TGFBR3L: variants seen among roughly 807,000 people sequenced by gnomAD.
TGFBR3L encodes the protein transforming growth factor beta receptor 3 like.
A neutral mutation model predicts 20.4 loss-of-function variants in TGFBR3L; 21 were observed. That is an observed-to-expected ratio of 1.03 (90% CI 0.73 to 1.48). TGFBR3L has a LOEUF of 1.48. Among genes scored for constraint, TGFBR3L ranks in the 40% most tolerant of loss-of-function variants. The pLI is 0.00. For missense variants in TGFBR3L, 479 were observed against 498.0 expected, an observed-to-expected ratio of 0.96 and a Z score of 0.36; for synonymous variants, 245 against 244.2, an observed-to-expected ratio of 1.00 and a Z score of -0.03.
chr19:7,917,950 A>G, intron 4 of TGFBR3L, 91 bp downstream of exon 5: 1 of 1,409,112 alleles, frequency 7.1e-7, no homozygotes, highest in Non-Finnish European at 9.2e-7. Flanking sequence ...GGGCCTGATC[A>G]ACCCTAGCTA....
rs1377224139 is a variant in TGFBR3L, at chr19:7,915,858, G to A, written c.-410G>A. Reference sequence around the variant, plus strand: ...CGTGTGTTTAGGGGCACGAAGAGGGGAGGGGTCCCATGGCTGCCTCAGCCT... The same window carrying A: ...CGTGTGTTTAGGGGCACGAAGAGGGAAGGGGTCCCATGGCTGCCTCAGCCT... On this transcript the variant is annotated 5_prime_UTR_variant, in exon 1 of 6. Transcript: ENST00000565886. Among the ~76,000 whole-genome samples the A allele has an allele frequency of 2.6e-5, 4 of 152,224 alleles. No homozygotes were observed. Among genetic ancestry groups the A allele is most frequent in the Admixed American group, 2.6e-4 (4 of 15,286 alleles).
rs773259760 is a variant in TGFBR3L, at chr19:7,916,513, G to A, written c.246G>A (p.Glu82=). 16 of 1,512,108 alleles carry A rather than the reference G, an allele frequency of 1.1e-5. No individual in the cohort carries two copies. The Admixed American group carries it at 2.3e-4, about 21-fold the overall frequency. 93.7% of individuals were successfully genotyped at this position (1,512,108 alleles called of 1,614,324 possible). A position where few individuals can be genotyped will look rare whatever the true frequency, so the allele number is the denominator to read the frequency against. The change falls in exon 1 of 6, where the codon GAG becomes GAA. Residue 82 remains glutamate (E), a synonymous_variant. Coordinates refer to ENST00000565886, the MANE Select transcript of TGFBR3L (RefSeq NM_001195259.2). Reference sequence around the variant, plus strand: ...TTCCTCGCCGCGCGGGGCCGCTCGAGGTCCCGGCCGACAGCCGCGTGTTCG... The same window carrying A: ...TTCCTCGCCGCGCGGGGCCGCTCGAAGTCCCGGCCGACAGCCGCGTGTTCG...
rs1983239044 is a variant in TGFBR3L at position 7,915,458 on chromosome 19, C to G, written c.-810C>G. Among the ~76,000 whole-genome samples the G allele has an allele frequency of 6.6e-6, 1 of 152,186 alleles. No homozygotes were observed. Among genetic ancestry groups the G allele is most frequent in the African/African-American group, 2.4e-5 (1 of 41,446 alleles). Reference sequence around the variant, plus strand: ...GGGAGGGGGCCAGTCTACCCAGGTGCTCTTCAGAAGTGGGTGTGGTGTGCG... The same window carrying G: ...GGGAGGGGGCCAGTCTACCCAGGTGGTCTTCAGAAGTGGGTGTGGTGTGCG... On this transcript the variant is annotated 5_prime_UTR_variant, in exon 1 of 6. Transcript: ENST00000565886.
chr19:7,916,882 CCGGGGAGTCCGCCGGGCGCCTG>C lies in TGFBR3L; in HGVS notation c.540_561del (p.Gly181LeufsTer2). On this transcript the variant is annotated frameshift_variant, in exon 2 of 6. Transcript: ENST00000565886. LOFTEE classifies it high-confidence loss of function. ...GCCAGCTGAGCCGCTGCCGCCGCCT[CCGGGGAGTCCGCCGGGCGCCTG>C]CGCCTCTGACGCCGCCGCCGCCGCC... The C allele has an allele frequency of 7.4e-7, 1 of 1,356,382 alleles. No individual in the cohort carries two copies. Among genetic ancestry groups the C allele is most frequent in the South Asian group, 1.9e-5 (1 of 53,474 alleles). 84.0% of individuals were successfully genotyped at this position (1,356,382 alleles called of 1,614,324 possible). A position where few individuals can be genotyped will look rare whatever the true frequency, so the allele number is the denominator to read the frequency against.
At chr19:7,917,098 T>C in intron 2 of TGFBR3L, 156 bp downstream of exon 3, 1 of 1,130,582 alleles carries the variant, frequency 8.8e-7, no homozygotes, top group Non-Finnish European at 1.1e-6. Context: ...ACAGAGTTTC[T>C]CCGGGGACAG....
In TGFBR3L at chr19:7,916,804, T is replaced by C. The variant is rs568041031; in HGVS notation, c.459T>C (p.Arg153=). ...GCCCGGGTGCCGCCCGCCCCGCGCG[T>C]TTCAGCTTCCGCCTGCGCCCGGTCT... Residue 153 remains arginine (R), a synonymous_variant, in exon 2 of 6, where the codon CGT becomes CGC. Transcript: ENST00000565886. The C allele has an allele frequency of 2.7e-6, 4 of 1,483,964 alleles. No individual in the cohort carries two copies. The East Asian group carries it at 1.1e-4, about 42-fold the overall frequency. 91.9% of individuals were successfully genotyped at this position (1,483,964 alleles called of 1,614,324 possible). A position where few individuals can be genotyped will look rare whatever the true frequency, so the allele number is the denominator to read the frequency against.
In TGFBR3L at chr19:7,915,041, C is replaced by T. The variant is rs1208645213; in HGVS notation, c.-1227C>T. On this transcript the variant is annotated 5_prime_UTR_variant, in exon 1 of 6. Coordinates refer to ENST00000565886, the MANE Select transcript of TGFBR3L (RefSeq NM_001195259.2). ...GCAGGCTGGAGTGCAGTGGCGCAATCTCCACTCACCGCAACCTCCGCCTCC... is the reference window on the plus strand; with the variant it reads ...GCAGGCTGGAGTGCAGTGGCGCAATTTCCACTCACCGCAACCTCCGCCTCC... 1.3e-5 allele frequency among the ~76,000 whole-genome samples: 2 copies of T among 152,162 alleles called. No homozygotes were observed. Among genetic ancestry groups the T allele is most frequent in the Admixed American group, 6.5e-5 (1 of 15,286 alleles).
chr19:7,917,725 G>A lies in TGFBR3L; in HGVS notation c.749G>A (p.Arg250His), dbSNP rs777581848. 2 of 1,425,268 alleles carry A rather than the reference G, an allele frequency of 1.4e-6. No homozygotes were observed. The highest frequency in any genetic ancestry group is 1.8e-6 in the Non-Finnish European group (2 of 1,098,328). 88.3% of individuals were successfully genotyped at this position (1,425,268 alleles called of 1,614,324 possible). A position where few individuals can be genotyped will look rare whatever the true frequency, so the allele number is the denominator to read the frequency against. ...GGGCCGCCCAAGAGTGTCCCCGGCC[G>A]TGCAGTGCGCCCTGAGCCTCCCGCG... Residue 250 changes from arginine to histidine, a missense_variant, in exon 4 of 6, where the codon CGT (arginine) becomes CAT (histidine). Coordinates refer to ENST00000565886, the MANE Select transcript of TGFBR3L (RefSeq NM_001195259.2).
In TGFBR3L at chr19:7,916,912, G is replaced by A. The variant is rs908890808; in HGVS notation, c.567G>A (p.Leu189=). 1.5e-6 allele frequency: 2 copies of A among 1,310,670 alleles called. No individual in the cohort carries two copies. The highest frequency in any genetic ancestry group is 4.1e-5 in the Admixed American group (1 of 24,470). The allele number at this position is 1,310,670 out of a possible 1,614,324, so 81.2% of individuals were successfully genotyped here. ...GAGTCCGCCGGGCGCCTGCGCCTCTGACGCCGCCGCCGCCGCCGCCGCCAT... is the reference window on the plus strand; with the variant it reads ...GAGTCCGCCGGGCGCCTGCGCCTCTAACGCCGCCGCCGCCGCCGCCGCCAT... Residue 189 remains leucine (L), a synonymous_variant, in exon 2 of 6, where the codon CTG becomes CTA. Coordinates refer to ENST00000565886, the MANE Select transcript of TGFBR3L (RefSeq NM_001195259.2).
Position 7,915,657 on chromosome 19 carries a change from G to C in TGFBR3L, c.-611G>C, listed in dbSNP as rs1019142635. Among the ~76,000 whole-genome samples the C allele has an allele frequency of 6.6e-6, 1 of 152,216 alleles. No individual in the cohort carries two copies. The highest frequency in any genetic ancestry group is 2.4e-5 in the African/African-American group (1 of 41,446). The stretch of plus-strand genomic sequence containing the variant: ...AGAGGCTGAAGCAGGAGGATGGCTG[G>C]AGCCCAGGAGGTGGAGGCTGCAGTG... On this transcript the variant is annotated 5_prime_UTR_variant, in exon 1 of 6. Coordinates refer to ENST00000565886, the MANE Select transcript of TGFBR3L (RefSeq NM_001195259.2).
In TGFBR3L at chr19:7,915,135, TG is replaced by T. The variant is rs1185490257; in HGVS notation, c.-1131del. Among the ~76,000 whole-genome samples, 1 of 152,118 alleles carries T rather than the reference TG, an allele frequency of 6.6e-6. No homozygotes were observed. The highest frequency in any genetic ancestry group is 1.5e-5 in the Non-Finnish European group (1 of 68,004). ...GACTACAGGCACGCACCACCACGCCTGGCTAATTGTTGTATTTTTAGTAGAG... is the reference window on the plus strand; with the variant it reads ...GACTACAGGCACGCACCACCACGCCTGCTAATTGTTGTATTTTTAGTAGAG... On this transcript the variant is annotated 5_prime_UTR_variant, in exon 1 of 6. Coordinates refer to ENST00000565886, the MANE Select transcript of TGFBR3L (RefSeq NM_001195259.2).
Position 7,916,301 on chromosome 19 carries a change from T to C in TGFBR3L, c.34T>C (p.Phe12Leu), listed in dbSNP as rs1276672129. The C allele has an allele frequency of 2.0e-6, 3 of 1,535,458 alleles. No individual in the cohort carries two copies. In the African/African-American group the frequency reaches 4.1e-5, roughly 21 times the overall value. ...ATCGGCCGCCGCAACCGCATCCCTTTTCCAAAGGCGGCGGCGGGGGCGAGG... is the reference window on the plus strand; with the variant it reads ...ATCGGCCGCCGCAACCGCATCCCTTCTCCAAAGGCGGCGGCGGGGGCGAGG... The change falls in exon 1 of 6, where the codon TTC (phenylalanine) becomes CTC (leucine). Residue 12 changes from phenylalanine to leucine, a missense_variant. Transcript: ENST00000565886.
Position 7,916,810 on chromosome 19 carries a change from C to T in TGFBR3L, c.465C>T (p.Ser155=). The change falls in exon 2 of 6, where the codon AGC becomes AGT. Residue 155 remains serine, a synonymous_variant. Transcript: ENST00000565886. ...GTGCCGCCCGCCCCGCGCGTTTCAG[C>T]TTCCGCCTGCGCCCGGTCTTCAACG... is the stretch of plus-strand genomic sequence containing the variant. The T allele has an allele frequency of 6.7e-7, 1 of 1,482,972 alleles. No homozygotes were observed. The allele number at this position is 1,482,972 out of a possible 1,614,324, so 91.9% of individuals were successfully genotyped here. A position where few individuals can be genotyped will look rare whatever the true frequency, so the allele number is the denominator to read the frequency against.
chr19:7,918,715 C>A, intron 5 of TGFBR3L: 1 of 394,378 alleles, frequency 2.5e-6, no homozygotes, highest in Admixed American at 4.4e-5. Context: ...GGCAGTGGGT[C>A]ACCCGCGGCA....
At chr19:7,916,577 G>T (rs1385899599) in intron 1 of TGFBR3L, 34 bp downstream of exon 2, 1 of 1,442,474 alleles carries the variant, frequency 6.9e-7, no homozygotes, top group Non-Finnish European at 9.1e-7. Context: ...GGCGGATGGG[G>T]GCCGGTGGGG....
rs138595457 is a variant in TGFBR3L, at chr19:7,916,452, T to A, written c.185T>A (p.Leu62His). The A allele has an allele frequency of 2.4e-4, 367 of 1,533,564 alleles. 1 individual carries two copies. Among genetic ancestry groups the A allele is most frequent in the Middle Eastern group, 1.8e-3 (11 of 5,968 alleles). The allele number at this position is 1,533,564 out of a possible 1,614,324, so 95.0% of individuals were successfully genotyped here. A position where few individuals can be genotyped will look rare whatever the true frequency, so the allele number is the denominator to read the frequency against. ...CCCGGCCCCTGGCTGCGCAGACCCC[T>A]CTTCAGCCTGAAGCTGTCCGACACA... Residue 62 changes from leucine to histidine, a missense_variant, in exon 1 of 6, where the codon CTC becomes CAC. Leu to His is a moderately conservative substitution (Grantham distance 99). Transcript: ENST00000565886.
rs1216989321 is a variant in TGFBR3L at position 7,914,973 on chromosome 19, T to C, written c.-1295T>C. ...GGTCTGTCATGCTTCTATCCCTGTT[T>C]CACCCTCTTTATTTTTTTTGAGATG... On this transcript the variant is annotated 5_prime_UTR_variant, in exon 1 of 6. Coordinates refer to ENST00000565886, the MANE Select transcript of TGFBR3L (RefSeq NM_001195259.2). Among the ~76,000 whole-genome samples the C allele has an allele frequency of 6.6e-6, 1 of 152,160 alleles. No individual in the cohort carries two copies. The highest frequency in any genetic ancestry group is 1.5e-5 in the Non-Finnish European group (1 of 68,014).
In TGFBR3L at chr19:7,916,716, C is replaced by G; in HGVS notation, c.371C>G (p.Ala124Gly). The G allele has an allele frequency of 6.8e-7, 1 of 1,481,056 alleles. No homozygotes were observed. Among genetic ancestry groups the G allele is most frequent in the South Asian group, 1.3e-5 (1 of 77,882 alleles). 91.7% of individuals were successfully genotyped at this position (1,481,056 alleles called of 1,614,324 possible). The change falls in exon 2 of 6, where the codon GCT becomes GGT. Residue 124 changes from alanine to glycine, a missense_variant. Coordinates refer to ENST00000565886, the MANE Select transcript of TGFBR3L (RefSeq NM_001195259.2). The stretch of plus-strand genomic sequence containing the variant: ...CGCCCGGCCCCGGGGCCCGCCCTGG[C>G]TCTGCTGCGTGAGGGCTGCCCCGCC...
At position 7,916,793 on chromosome 19, in the gene TGFBR3L, C is replaced by G; in HGVS notation, c.448C>G (p.Arg150Gly). The G allele has an allele frequency of 6.7e-7, 1 of 1,487,722 alleles. No individual in the cohort carries two copies. The highest frequency in any genetic ancestry group is 8.9e-7 in the Non-Finnish European group (1 of 1,124,434). The allele number at this position is 1,487,722 out of a possible 1,614,324, so 92.2% of individuals were successfully genotyped here. A position where few individuals can be genotyped will look rare whatever the true frequency, so the allele number is the denominator to read the frequency against. Residue 150 changes from arginine (R) to glycine (G), a missense_variant, in exon 2 of 6, where the codon CGC becomes GGC. By Grantham distance (125) the Arg-to-Gly change is moderately radical. Coordinates refer to ENST00000565886, the MANE Select transcript of TGFBR3L (RefSeq NM_001195259.2). Reference sequence around the variant, plus strand: ...GCCGCCGCCGAGCCCGGGTGCCGCCCGCCCCGCGCGTTTCAGCTTCCGCCT... The same window carrying G: ...GCCGCCGCCGAGCCCGGGTGCCGCCGGCCCCGCGCGTTTCAGCTTCCGCCT...
Sources: allele counts gnomAD v4.1 joint callset (sites outside exome capture counted in the v4.1 genomes callset), GRCh38; gene constraint gnomAD v4.1.1; transcripts MANE v1.5; gene names NCBI Gene and HGNC (gene_info 2026-07-23, HGNC 2026-07-21).